The following CTNNAL1 variants were observed in gnomAD, a reference collection of about 807,000 sequenced individuals.
CTNNAL1 encodes the protein alpha-catulin.
Under a neutral mutation model 93.6 loss-of-function variants are expected in CTNNAL1, and 69 were observed. The ratio of observed to expected loss-of-function variants is 0.74; its 90% CI spans 0.61 to 0.90. The LOEUF (loss-of-function observed/expected upper bound fraction) is 0.90. Ranked by LOEUF, CTNNAL1 falls within the 40% of genes least tolerant of loss-of-function variation. The pLI, the probability that CTNNAL1 is intolerant of heterozygous loss-of-function variation, is 0.00. For missense variants in CTNNAL1, 836 were observed against 862.0 expected (o/e 0.97, Z 0.38); for synonymous variants, 286 against 305.4 (o/e 0.94, Z 0.66).
At chr9:109,008,876 C>CTTTTTTT (rs1162375548) in intron 1 of CTNNAL1, among the ~76,000 whole-genome samples, 9 of 54,892 alleles carry the variant, frequency 1.6e-4, no homozygotes, top group Non-Finnish European at 2.8e-4. Context: ...AACAGAGGTT[C>CTTTTTTT]TTTTTTTTTT....
intron 1 of CTNNAL1, among the ~76,000 whole-genome samples, chr9:109,007,944 C>T (rs1278783751): frequency 6.6e-6 from 1 of 151,860 alleles, no homozygotes. Flanking sequence ...GGTATTGAAC[C>T]TTTATTTTTT....
At chr9:109,010,628 A>G (rs1827177168) in intron 1 of CTNNAL1, among the ~76,000 whole-genome samples, 1 of 152,210 alleles carries the variant, frequency 6.6e-6, no homozygotes, top group African/African-American at 2.4e-5. Context: ...CTTTTTCTGC[A>G]TCATTGTTAG....
chr9:109,008,453 C>T (rs1827104579), intron 1 of CTNNAL1, among the ~76,000 whole-genome samples: 1 of 152,156 alleles, frequency 6.6e-6, no homozygotes, highest in Non-Finnish European at 1.5e-5. Context: ...AGCCCCAATC[C>T]ACTTTTCTAA....
rs369842608 is a variant in CTNNAL1 at position 108,942,972 on chromosome 9, G to T, written c.2128C>A (p.Leu710Met). ...LVQLLSLCYKLLKKLQMENNG... is the reference protein window; with the variant it reads ...LVQLLSLCYKMLKKLQMENNG... Reference sequence around the variant, plus strand: ...AAAAACTACCTCACCTTCTTCAGCAGTTTATAACAAAGTGAAAGAAGTTGG... The same window carrying T: ...AAAAACTACCTCACCTTCTTCAGCATTTTATAACAAAGTGAAAGAAGTTGG... The change falls in exon 18 of 19, where the codon CTG (leucine) becomes ATG (methionine). Residue 710 changes from leucine (L) to methionine (M), a missense_variant. Physicochemically the swap from Leu to Met is conservative, Grantham distance 15 (BLOSUM62 2). Coordinates refer to ENST00000325551, the MANE Select transcript of CTNNAL1 (RefSeq NM_003798.4). 8 of 1,612,810 alleles carry T rather than the reference G, an allele frequency of 5.0e-6. No homozygotes were observed. The highest frequency in any genetic ancestry group is 1.3e-5 in the African/African-American group (1 of 74,870).
intron 10 of CTNNAL1, among the ~76,000 whole-genome samples, chr9:108,968,825 C>G (rs1384035893): frequency 6.6e-6 from 1 of 152,096 alleles, no homozygotes; most frequent in African/African-American, 2.4e-5. Context: ...GGGACTCAAC[C>G]TCTACTGCCC....
chr9:108,972,864 G>GGGGGGGGCCCCCCCCCCCCC, intron 8 of CTNNAL1, 31 bp from the exon 9 acceptor site: 9 of 142,458 alleles, frequency 6.3e-5, no homozygotes, highest in East Asian at 2.2e-4. Context: ...GGGGGGGTGG[G>GGGGGGGGCCCCCCCCCCCCC]AGGGTGGAGA....
chr9:109,004,540 C>T (rs1421237840), intron 1 of CTNNAL1, among the ~76,000 whole-genome samples: 1 of 152,154 alleles, frequency 6.6e-6, no homozygotes, highest in African/African-American at 2.4e-5. Context: ...GTAATCCCAG[C>T]ACTTTGGGAG....
intron 15 of CTNNAL1, among the ~76,000 whole-genome samples, chr9:108,945,741 C>A (rs1415451152): frequency 6.6e-6 from 1 of 151,836 alleles, no homozygotes; most frequent in Non-Finnish European, 1.5e-5. Context: ...TCCCAAAGTG[C>A]TAGGGTTACA....
chr9:108,975,527 G>T (rs542784327), intron 8 of CTNNAL1, among the ~76,000 whole-genome samples: 1 of 152,070 alleles, frequency 6.6e-6, no homozygotes, highest in Non-Finnish European at 1.5e-5. Flanking sequence ...CAACAGCTAC[G>T]TAACGGAGGG....
chr9:108,980,447 T>C (rs1831395427), intron 6 of CTNNAL1, among the ~76,000 whole-genome samples: 1 of 152,236 alleles, frequency 6.6e-6, no homozygotes, highest in Non-Finnish European at 1.5e-5. Flanking sequence ...ATACCTTACA[T>C]TTGTTTAACA....
intron 1 of CTNNAL1, among the ~76,000 whole-genome samples, chr9:109,001,762 G>C (rs1017275694): frequency 9.2e-5 from 14 of 152,164 alleles, no homozygotes; most frequent in African/African-American, 2.9e-4. Context: ...ATTACTGCAG[G>C]CTTGGTCAAT....
At chr9:108,963,139 A>C (rs1564128148) in intron 11 of CTNNAL1, among the ~76,000 whole-genome samples, 1 of 152,222 alleles carries the variant, frequency 6.6e-6, no homozygotes, top group Non-Finnish European at 1.5e-5. Flanking sequence ...CGTAATTGCT[A>C]CTCAGAACAT....
At chr9:108,954,947 T>C (rs778407395) in intron 12 of CTNNAL1, among the ~76,000 whole-genome samples, 1 of 150,892 alleles carries the variant, frequency 6.6e-6, no homozygotes, top group African/African-American at 2.4e-5. Flanking sequence ...ACTGTTACTA[T>C]TGATAATCAT....
chr9:108,980,013 G>A (rs924584940), intron 6 of CTNNAL1, among the ~76,000 whole-genome samples: 26 of 152,282 alleles, frequency 1.7e-4, no homozygotes, highest in African/African-American at 6.0e-4. Flanking sequence ...GTCCCCAACA[G>A]CACCTTACTG....
In CTNNAL1 at chr9:108,977,050, T is replaced by C; in HGVS notation, c.1102-2A>G. On this transcript the variant is annotated splice_acceptor_variant, in intron 7 of 18. Coordinates refer to ENST00000325551, the MANE Select transcript of CTNNAL1 (RefSeq NM_003798.4). LOFTEE classifies it high-confidence loss of function. ...GATGCTTTTTGTTTTCTTGCTTTGC[T>C]AAAAATTTTAAAAAGTATACATGTA... is the stretch of plus-strand genomic sequence containing the variant. The C allele has an allele frequency of 1.4e-6, 2 of 1,450,838 alleles. No homozygotes were observed. The highest frequency in any genetic ancestry group is 1.9e-6 in the Non-Finnish European group (2 of 1,077,062). 89.9% of individuals were successfully genotyped at this position (1,450,838 alleles called of 1,614,324 possible). A position where few individuals can be genotyped will look rare whatever the true frequency, so the allele number is the denominator to read the frequency against.
At chr9:108,992,152 C>T in intron 3 of CTNNAL1, 1 of 669,222 alleles carries the variant, frequency 1.5e-6, no homozygotes. Context: ...ATAGTGCTCA[C>T]CTTTTCTTTC....
At chr9:108,981,779 G>C (rs1468670450) in intron 6 of CTNNAL1, among the ~76,000 whole-genome samples, 1 of 152,108 alleles carries the variant, frequency 6.6e-6, no homozygotes. Flanking sequence ...ACAAAAATTA[G>C]CCGGCTGTGG....
At chr9:108,998,148 T>G (rs1832089750) in intron 2 of CTNNAL1, among the ~76,000 whole-genome samples, 1 of 152,162 alleles carries the variant, frequency 6.6e-6, no homozygotes, top group Non-Finnish European at 1.5e-5. Flanking sequence ...GGGGGCCATT[T>G]TTACCCCTCA....
chr9:109,000,015 A>G (rs968486309), intron 1 of CTNNAL1, among the ~76,000 whole-genome samples: 5 of 152,232 alleles, frequency 3.3e-5, no homozygotes, highest in Non-Finnish European at 2.9e-5. Context: ...ATGTACATGT[A>G]CTAGTATTAA....
Sources: gnomAD v4.1 joint callset for allele counts (sites outside exome capture counted in the v4.1 genomes callset) on GRCh38, gnomAD v4.1.1 for gene constraint, MANE v1.5 for transcripts, NCBI Gene and HGNC (gene_info 2026-07-23, HGNC 2026-07-21) for gene names.